The following LMBRD1 variants were observed in gnomAD, a reference collection of about 807,000 sequenced individuals.
LMBRD1 encodes the protein lysosomal cobalamin transport escort protein LMBD1.
In LMBRD1, 64 loss-of-function variants were observed where a neutral mutation model predicts 74.8. The observed-to-expected ratio is 0.86, with a 90% confidence interval of 0.70 to 1.05. LMBRD1 has a LOEUF of 1.05. Among genes scored for constraint, LMBRD1 ranks in the 50% least tolerant of loss-of-function variants. The pLI is 0.00. For synonymous variants in LMBRD1, 204 were observed against 216.3 expected (o/e 0.94, Z 0.50); for missense variants, 652 against 645.9 (o/e 1.01, Z -0.10).
chr6:69,783,066 C>T (rs1468236859), intron 2 of LMBRD1, among the ~76,000 whole-genome samples: 1 of 152,064 alleles, frequency 6.6e-6, no homozygotes, highest in Non-Finnish European at 1.5e-5. Flanking sequence ...CTATGAAGTA[C>T]TTTTGAGTAG....
chr6:69,707,369 G>A (rs559786550), intron 9 of LMBRD1, among the ~76,000 whole-genome samples: 33 of 152,084 alleles, frequency 2.2e-4, no homozygotes, highest in Non-Finnish European at 4.0e-4. Flanking sequence ...CATCTGTAAG[G>A]TTCCTTTGCC....
At chr6:69,757,163 A>C (rs1765284521) in intron 3 of LMBRD1, among the ~76,000 whole-genome samples, 1 of 152,220 alleles carries the variant, frequency 6.6e-6, no homozygotes, top group Non-Finnish European at 1.5e-5. Context: ...AAACAGATGA[A>C]TCTCATAGAC....
intron 3 of LMBRD1, among the ~76,000 whole-genome samples, chr6:69,756,968 A>G (rs939226507): frequency 6.6e-6 from 1 of 152,212 alleles, no homozygotes; most frequent in African/African-American, 2.4e-5. Flanking sequence ...CTGAAAACAT[A>G]CAAGCATTCA....
At chr6:69,713,590 G>T in intron 9 of LMBRD1, 55 bp downstream of exon 9, 1 of 1,558,024 alleles carries the variant, frequency 6.4e-7, no homozygotes, top group Non-Finnish European at 8.8e-7. Flanking sequence ...TCTCCAAGAG[G>T]TACTACATAA....
intron 2 of LMBRD1, 67 bp downstream of exon 2, chr6:69,790,229 T>C: frequency 9.7e-7 from 1 of 1,030,428 alleles, no homozygotes; most frequent in Admixed American, 1.9e-5. Context: ...ACACAATATG[T>C]ATCGGACTGC....
chr6:69,790,149 G>A (rs1766047141), intron 2 of LMBRD1, 147 bp downstream of exon 2: 1 of 656,412 alleles, frequency 1.5e-6, no homozygotes, highest in Non-Finnish European at 2.7e-6. Context: ...TGGTCTATCA[G>A]GTTAGATGTC....
chr6:69,759,202 C>T (rs1253579842), intron 3 of LMBRD1, among the ~76,000 whole-genome samples: 3 of 152,140 alleles, frequency 2.0e-5, no homozygotes, highest in Non-Finnish European at 4.4e-5. Context: ...AACTTCTATG[C>T]TCACTTCTAC....
At position 69,701,903 on chromosome 6, in the gene LMBRD1, A is replaced by C. The variant is rs1766140302; in HGVS notation, c.966T>G (p.Ser322=). 1 of 1,597,624 alleles carries C rather than the reference A, an allele frequency of 6.3e-7. No homozygotes were observed. Among genetic ancestry groups the C allele is most frequent in the South Asian group, 1.1e-5 (1 of 90,638 alleles). ...ACTGTACTTACTTTGACAAGAAGAG[A>C]GAAATTACAAACAGCAATGCAACTA... ...FILVALLFVI[S]LFLSNLDKAL... Residue 322 remains serine (S), a synonymous_variant, in exon 10 of 16, where the codon TCT becomes TCG. Transcript: ENST00000649934.
intron 3 of LMBRD1, among the ~76,000 whole-genome samples, chr6:69,753,070 T>A (rs1467109922): frequency 6.6e-6 from 1 of 152,172 alleles, no homozygotes; most frequent in Non-Finnish European, 1.5e-5. Context: ...GATTCAACAT[T>A]AACTGATAGG....
chr6:69,780,619 A>G lies in LMBRD1; in HGVS notation c.247-65T>C, dbSNP rs9346353. 0.4 allele frequency: 490,791 copies of G among 1,226,098 alleles called. 100,569 individuals carry two copies. The highest frequency in any genetic ancestry group is 0.55 in the East Asian group (23,443 of 42,912). 76.0% of individuals were successfully genotyped at this position (1,226,098 alleles called of 1,614,324 possible). On this transcript the variant is annotated intron_variant, in intron 2 of 15. Coordinates refer to ENST00000649934, the MANE Select transcript of LMBRD1 (RefSeq NM_018368.4). ...CCATTTGCCTAACAATTAAAAGTCAAGTTTTAATACGACTGAATATCACTT... is the reference window on the plus strand; with the variant it reads ...CCATTTGCCTAACAATTAAAAGTCAGGTTTTAATACGACTGAATATCACTT...
chr6:69,752,137 C>T (rs1019303516), intron 4 of LMBRD1, 122 bp downstream of exon 4: 4 of 856,876 alleles, frequency 4.7e-6, no homozygotes, highest in Non-Finnish European at 7.2e-6. Flanking sequence ...TTTAATTTAG[C>T]TAACATTGTA....
At chr6:69,778,113 A>G (rs1765744410) in intron 3 of LMBRD1, among the ~76,000 whole-genome samples, 2 of 152,128 alleles carry the variant, frequency 1.3e-5, no homozygotes, top group Non-Finnish European at 1.5e-5. Flanking sequence ...ATCCAATTAA[A>G]TTTTCTTGTT....
At chr6:69,754,897 C>T (rs574058323) in intron 3 of LMBRD1, among the ~76,000 whole-genome samples, 8 of 152,270 alleles carry the variant, frequency 5.3e-5, no homozygotes, top group South Asian at 2.1e-4. Context: ...TACCATCTCA[C>T]GCCAATTAGA....
rs1470230483 is a variant in LMBRD1, at chr6:69,780,532, C to G, written c.269G>C (p.Ser90Thr). Residue 90 changes from serine to threonine, a missense_variant, in exon 3 of 16, where the codon AGC becomes ACC. Ser to Thr is a moderately conservative substitution (Grantham distance 58). Coordinates refer to ENST00000649934, the MANE Select transcript of LMBRD1 (RefSeq NM_018368.4). ...TFKDWANANV[S>T]RQIEDTVLYG... ...TAATACAGTGTCCTCAATCTGTCTG[C>G]TGACATTAGCATTAGCCCAGTCCTA... 1.9e-6 allele frequency: 3 copies of G among 1,608,926 alleles called. No homozygotes were observed. Among genetic ancestry groups the G allele is most frequent in the Non-Finnish European group, 2.6e-6 (3 of 1,175,604 alleles).
chr6:69,690,407 A>T (rs1765852004), intron 14 of LMBRD1, among the ~76,000 whole-genome samples: 1 of 152,162 alleles, frequency 6.6e-6, no homozygotes, highest in South Asian at 2.1e-4. Context: ...AGATAGATGG[A>T]ATAAAGAATA....
rs557851763 is a variant in LMBRD1, at chr6:69,796,969, G to C, written c.-88C>G. On this transcript the variant is annotated 5_prime_UTR_variant, in exon 1 of 16. Transcript: ENST00000649934. ...AGAGAGCGCGAGATATACTGCACCC[G>C]CGCACCCTAAAGGTTAAAGGGGCGG... is the stretch of plus-strand genomic sequence containing the variant. 199 of 1,157,446 alleles carry C rather than the reference G, an allele frequency of 1.7e-4. 2 individuals are homozygous for C. The South Asian group carries it at 2.5e-3, about 14-fold the overall frequency. The allele number at this position is 1,157,446 out of a possible 1,614,324, so 71.7% of individuals were successfully genotyped here.
chr6:69,785,864 AG>A (rs1765933798), intron 2 of LMBRD1, among the ~76,000 whole-genome samples: 1 of 152,190 alleles, frequency 6.6e-6, no homozygotes, highest in Admixed American at 6.5e-5. Flanking sequence ...CAGCCAAATA[AG>A]CCAAGTTCAT....
At chr6:69,709,234 CAA>C (rs912383726) in intron 9 of LMBRD1, among the ~76,000 whole-genome samples, 8 of 126,590 alleles carry the variant, frequency 6.3e-5, no homozygotes, top group Admixed American at 1.6e-4. Context: ...AACTCCATCT[CAA>C]AAAAAAAAAA....
At chr6:69,720,438 G>A (rs1397173673) in intron 7 of LMBRD1, among the ~76,000 whole-genome samples, 1 of 152,134 alleles carries the variant, frequency 6.6e-6, no homozygotes, top group Non-Finnish European at 1.5e-5. Flanking sequence ...AGAAGATTCT[G>A]TTACTATTAG....
Sources: gnomAD v4.1 joint callset for allele counts (sites outside exome capture counted in the v4.1 genomes callset) on GRCh38, gnomAD v4.1.1 for gene constraint, MANE v1.5 for transcripts, NCBI Gene and HGNC (gene_info 2026-07-23, HGNC 2026-07-21) for gene names.